The following PSD3 variants were observed in gnomAD, a reference collection of about 807,000 sequenced individuals.
PSD3 encodes PH and SEC7 domain-containing protein 3.
Under a neutral mutation model 105.5 loss-of-function variants are expected in PSD3, and 49 were observed. The ratio of observed to expected loss-of-function variants is 0.46; its 90% CI spans 0.37 to 0.59. The LOEUF (loss-of-function observed/expected upper bound fraction) is 0.59. Among genes scored for constraint, PSD3 ranks in the 20% least tolerant of loss-of-function variants. PSD3 has a pLI of 0.00. For synonymous variants in PSD3, 557 were observed against 457.8 expected (o/e 1.22, Z -2.77); for missense variants, 1,561 against 1,263.8 (o/e 1.24, Z -3.57).
intron 2 of PSD3, among the ~76,000 whole-genome samples, chr8:18,918,463 C>A (rs772523615): frequency 2.0e-5 from 3 of 152,198 alleles, no homozygotes; most frequent in Non-Finnish European, 2.9e-5. Context: ...GTTTCTCCAA[C>A]CAGACTTCAC....
intron 9 of PSD3, among the ~76,000 whole-genome samples, chr8:18,722,825 G>A (rs1262938070): frequency 6.6e-6 from 1 of 152,040 alleles, no homozygotes; most frequent in African/African-American, 2.4e-5. Flanking sequence ...CACTCCCAAG[G>A]AGCATTACTG....
intron 1 of PSD3, among the ~76,000 whole-genome samples, chr8:18,993,550 T>C (rs576618999): frequency 1.3e-5 from 2 of 152,204 alleles, no homozygotes; most frequent in African/African-American, 4.8e-5. Flanking sequence ...TCTCAATAAA[T>C]GGCTACTGCT....
At chr8:18,645,641 C>T (rs1252687426) in intron 10 of PSD3, among the ~76,000 whole-genome samples, 6 of 152,064 alleles carry the variant, frequency 3.9e-5, no homozygotes, top group East Asian at 3.9e-4. Flanking sequence ...AAGAGTCCAG[C>T]GTGACACAGT....
chr8:18,846,401 A>C (rs1422539684), intron 4 of PSD3, among the ~76,000 whole-genome samples: 1 of 152,148 alleles, frequency 6.6e-6, no homozygotes, highest in Non-Finnish European at 1.5e-5. Context: ...ACAGAAACGT[A>C]GGGGGCGGAA....
chr8:18,702,610 T>C (rs1053994922), intron 9 of PSD3, among the ~76,000 whole-genome samples: 1 of 151,704 alleles, frequency 6.6e-6, no homozygotes, highest in African/African-American at 2.4e-5. Context: ...AGGTACTCTT[T>C]CTTTCTTTCT....
At chr8:18,688,227 G>T (rs1800771953) in intron 9 of PSD3, among the ~76,000 whole-genome samples, 1 of 151,758 alleles carries the variant, frequency 6.6e-6, no homozygotes, top group Non-Finnish European at 1.5e-5. Context: ...AGGACTACAG[G>T]CATGCACCTG....
chr8:18,951,063 G>T (rs1229107354), intron 1 of PSD3, among the ~76,000 whole-genome samples: 3 of 152,120 alleles, frequency 2.0e-5, no homozygotes, highest in African/African-American at 7.2e-5. Context: ...TGATGTTTGA[G>T]GAATATTCAT....
intron 11 of PSD3, among the ~76,000 whole-genome samples, chr8:18,608,582 A>T (rs1373673571): frequency 1.3e-5 from 2 of 152,250 alleles, no homozygotes; most frequent in East Asian, 3.8e-4. Flanking sequence ...GAAGAAACAT[A>T]TTTGGAAATA....
intron 12 of PSD3, among the ~76,000 whole-genome samples, chr8:18,586,371 T>C (rs1306908833): frequency 1.3e-5 from 2 of 152,190 alleles, no homozygotes; most frequent in Non-Finnish European, 1.5e-5. Flanking sequence ...GCCTTTACTA[T>C]TACTCTCCAT....
At chr8:19,046,157 G>A (rs974605206) in intron 1 of PSD3, among the ~76,000 whole-genome samples, 1 of 152,140 alleles carries the variant, frequency 6.6e-6, no homozygotes, top group African/African-American at 2.4e-5. Flanking sequence ...TGTTGCCCAG[G>A]CCAGAGTGCT....
chr8:18,727,609 TC>T (rs1333728579), intron 9 of PSD3, among the ~76,000 whole-genome samples: 1 of 149,832 alleles, frequency 6.7e-6, no homozygotes, highest in Non-Finnish European at 1.5e-5. Flanking sequence ...CCCCTCTTAT[TC>T]ATCTTTACCT....
Position 18,535,665 on chromosome 8 carries a change from A to G in PSD3, c.*78T>C, listed in dbSNP as rs1218146030. ...TGTCACAGACTTTTTTTTTTTAAAT[A>G]TATTCACGGATTACCAGAAAGATCT... On this transcript the variant is annotated 3_prime_UTR_variant, in exon 16 of 16. Transcript: ENST00000327040. 8.4e-7 allele frequency: 1 copy of G among 1,189,672 alleles called. No homozygotes were observed. Among genetic ancestry groups the G allele is most frequent in the African/African-American group, 1.5e-5 (1 of 64,698 alleles). 73.7% of individuals were successfully genotyped at this position (1,189,672 alleles called of 1,614,324 possible). A position where few individuals can be genotyped will look rare whatever the true frequency, so the allele number is the denominator to read the frequency against.
chr8:18,993,163 G>A (rs1161029015), intron 1 of PSD3, among the ~76,000 whole-genome samples: 1 of 152,094 alleles, frequency 6.6e-6, no homozygotes, highest in Non-Finnish European at 1.5e-5. Flanking sequence ...CTCAGAGAAA[G>A]ACAGAGTGAG....
chr8:18,821,839 A>G (rs2638629), intron 4 of PSD3, among the ~76,000 whole-genome samples: 67,372 of 141,808 alleles, frequency 0.48, 15,598 homozygotes, highest in East Asian at 0.79. Context: ...AGAAGGGAAT[A>G]CCCACACACA....
intron 9 of PSD3, among the ~76,000 whole-genome samples, chr8:18,694,918 T>C (rs1011674151): frequency 3.3e-5 from 5 of 152,250 alleles, no homozygotes; most frequent in African/African-American, 1.2e-4. Context: ...AGGAAAATTA[T>C]AGCATAAAAA....
chr8:18,623,670 C>CA (rs895218808), intron 11 of PSD3, among the ~76,000 whole-genome samples: 21 of 147,536 alleles, frequency 1.4e-4, no homozygotes, highest in African/African-American at 4.7e-4. Context: ...AATTGTAAAA[C>CA]ATATAAGACT....
intron 9 of PSD3, among the ~76,000 whole-genome samples, chr8:18,688,217 A>G (rs1019559342): frequency 1.3e-5 from 2 of 152,048 alleles, no homozygotes; most frequent in African/African-American, 4.8e-5. Context: ...CTGAGTAGCT[A>G]GGACTACAGG....
chr8:18,572,566 G>A lies in PSD3; in HGVS notation c.2746C>T (p.Arg916Cys), dbSNP rs769536182. 5 of 1,613,846 alleles carry A rather than the reference G, an allele frequency of 3.1e-6. No individual in the cohort carries two copies. Among genetic ancestry groups the A allele is most frequent in the Non-Finnish European group, 4.2e-6 (5 of 1,179,904 alleles). Residue 916 changes from arginine (R) to cysteine (C), a missense_variant, in exon 14 of 16, where the codon CGC becomes TGC. Physicochemically the swap from Arg to Cys is radical, Grantham distance 180 (BLOSUM62 -3). Transcript: ENST00000327040. ...GTTGTAGTGGCAGGCAGAAGTGGGCGGCTAAACTTCTTCTGAGAGCCGATT... is the reference window on the plus strand; with the variant it reads ...GTTGTAGTGGCAGGCAGAAGTGGGCAGCTAAACTTCTTCTGAGAGCCGATT... ...AAIGSQKKFS[R>C]PLLPATTTKL...
At chr8:18,802,877 T>C (rs1005451225) in intron 6 of PSD3, among the ~76,000 whole-genome samples, 1 of 152,224 alleles carries the variant, frequency 6.6e-6, no homozygotes, top group African/African-American at 2.4e-5. Flanking sequence ...CACCTTCATT[T>C]GAAAAGGTCA....
Sources: gnomAD v4.1 joint callset for allele counts (sites outside exome capture counted in the v4.1 genomes callset) on GRCh38, gnomAD v4.1.1 for gene constraint, MANE v1.5 for transcripts, NCBI Gene and HGNC (gene_info 2026-07-23, HGNC 2026-07-21) for gene names.